The following SSUH2 variants were observed in gnomAD, a reference collection of about 807,000 sequenced individuals.
SSUH2 encodes protein SSUH2 homolog.
Under a neutral mutation model 55.3 loss-of-function variants are expected in SSUH2, and 47 were observed. The ratio of observed to expected loss-of-function variants is 0.85; its 90% CI spans 0.67 to 1.08. The LOEUF (loss-of-function observed/expected upper bound fraction) is 1.08. SSUH2 is among the 50% of genes least tolerant of loss of function. The pLI is 0.00. For synonymous variants in SSUH2, 212 were observed against 191.5 expected (o/e 1.11, Z -0.89); for missense variants, 535 against 490.7 (o/e 1.09, Z -0.85).
intron 9 of SSUH2, 58 bp downstream of exon 9, chr3:8,626,171 C>T (rs1311060836): frequency 1.4e-6 from 2 of 1,411,598 alleles, no homozygotes; most frequent in East Asian, 4.6e-5. Context: ...GAAGCCAGTC[C>T]AGGGCTAAGT....
intron 5 of SSUH2, among the ~76,000 whole-genome samples, chr3:8,665,765 T>C (rs1201019372): frequency 2.6e-5 from 4 of 152,160 alleles, no homozygotes; most frequent in Admixed American, 2.6e-4. Context: ...TAGATGAAAA[T>C]AGTTCATTTT....
intron 5 of SSUH2, among the ~76,000 whole-genome samples, chr3:8,665,658 C>A (rs1311098496): frequency 6.6e-6 from 1 of 152,176 alleles, no homozygotes; most frequent in African/African-American, 2.4e-5. Flanking sequence ...TTCACCAACG[C>A]AAAAGCCAAA....
At chr3:8,644,628 A>T in intron 1 of SSUH2, 103 bp downstream of exon 1, 1 of 1,017,850 alleles carries the variant, frequency 9.8e-7, no homozygotes, top group East Asian at 2.6e-5. Context: ...AAGACTATGG[A>T]TACATAACTT....
chr3:8,653,224 C>T (rs535656259), intron 7 of SSUH2, among the ~76,000 whole-genome samples: 4 of 152,326 alleles, frequency 2.6e-5, no homozygotes, highest in South Asian at 2.1e-4. Flanking sequence ...AGGCAGGAGC[C>T]GCAGATGTCA....
At chr3:8,633,992 T>C in intron 3 of SSUH2, 197 bp from the exon 4 acceptor site, 1 of 1,590,372 alleles carries the variant, frequency 6.3e-7, no homozygotes, top group Non-Finnish European at 8.6e-7. Context: ...CGGGGCAGGT[T>C]TTCCTAGAGA....
chr3:8,676,341 C>A (rs1705263416), intron 3 of SSUH2, among the ~76,000 whole-genome samples: 1 of 151,988 alleles, frequency 6.6e-6, no homozygotes, highest in South Asian at 2.1e-4. Context: ...ATCCTCCTCT[C>A]CCACGTTGCA....
chr3:8,673,737 A>G (rs1704888609), intron 3 of SSUH2, among the ~76,000 whole-genome samples: 1 of 152,166 alleles, frequency 6.6e-6, no homozygotes, highest in African/African-American at 2.4e-5. Flanking sequence ...GTATGGAAGG[A>G]CTCAGTTACC....
intron 5 of SSUH2, among the ~76,000 whole-genome samples, chr3:8,668,517 A>C (rs1269147682): frequency 6.6e-6 from 1 of 152,220 alleles, no homozygotes; most frequent in African/African-American, 2.4e-5. Flanking sequence ...TAATCTCATT[A>C]CTTCAAAGAA....
At chr3:8,674,817 A>G (rs1705044882) in intron 3 of SSUH2, among the ~76,000 whole-genome samples, 1 of 151,928 alleles carries the variant, frequency 6.6e-6, no homozygotes, top group Non-Finnish European at 1.5e-5. Flanking sequence ...ACTTTTCTGA[A>G]CTGAGCTGGG....
chr3:8,667,221 T>G (rs893886131), intron 5 of SSUH2, among the ~76,000 whole-genome samples: 4 of 152,226 alleles, frequency 2.6e-5, no homozygotes, highest in Non-Finnish European at 5.9e-5. Flanking sequence ...TCATGAGTTT[T>G]GCAGGAAAGG....
chr3:8,676,595 C>T (rs1252924704), intron 3 of SSUH2, among the ~76,000 whole-genome samples: 1 of 151,076 alleles, frequency 6.6e-6, no homozygotes, highest in Non-Finnish European at 1.5e-5. Flanking sequence ...GGAAGAATAT[C>T]ACAGCGTGGG....
intron 10 of SSUH2, 25 bp from the exon 11 acceptor site, chr3:8,623,681 G>A (rs1696928576): frequency 1.6e-6 from 2 of 1,282,108 alleles, no homozygotes; most frequent in African/African-American, 1.5e-5. Context: ...GAGAGACACA[G>A]ACCACCTGGC....
chr3:8,625,447 G>A, intron 10 of SSUH2, 95 bp downstream of exon 10: 3 of 740,600 alleles, frequency 4.1e-6, no homozygotes, highest in Non-Finnish European at 7.0e-6. Context: ...GTCCTTCCAA[G>A]GAATGCAGCC....
intron 7 of SSUH2, among the ~76,000 whole-genome samples, chr3:8,628,601 T>C (rs1698086794): frequency 6.6e-6 from 1 of 152,200 alleles, no homozygotes; most frequent in Non-Finnish European, 1.5e-5. Context: ...GATGACGTGT[T>C]CTTATTAGAA....
At chr3:8,652,422 C>T (rs905033150) in intron 7 of SSUH2, among the ~76,000 whole-genome samples, 1 of 152,212 alleles carries the variant, frequency 6.6e-6, no homozygotes, top group Non-Finnish European at 1.5e-5. Context: ...CAGCTGCCTT[C>T]CATGGCATAA....
At chr3:8,679,548 C>A (rs1430654866) in intron 2 of SSUH2, among the ~76,000 whole-genome samples, 2 of 144,820 alleles carry the variant, frequency 1.4e-5, no homozygotes, top group Non-Finnish European at 3.0e-5. Context: ...CTCAGCGAGG[C>A]AGGAACTGAG....
Position 8,678,136 on chromosome 3 carries a change from G to A in SSUH2, c.-900-783C>T, listed in dbSNP as rs138479768. 5.9e-3 allele frequency among the ~76,000 whole-genome samples: 896 copies of A among 152,118 alleles called. 10 individuals carry two copies. Among genetic ancestry groups the A allele is most frequent in the African/African-American group, 0.018 (750 of 41,506 alleles). On this transcript the variant is annotated intron_variant, in intron 2 of 18. Transcript: ENST00000317371. ...ATATCATCTTCTTCCCTCCAGGATC[G>A]TGGGAACAACATCCCTGGGGGTTTC...
intron 7 of SSUH2, chr3:8,629,295 C>A: frequency 3.9e-6 from 1 of 255,278 alleles, no homozygotes; most frequent in Non-Finnish European, 7.5e-6. Context: ...CCCTGCACGA[C>A]AAATGGAGTT....
chr3:8,674,575 G>T (rs1462733190), intron 3 of SSUH2, among the ~76,000 whole-genome samples: 1 of 152,112 alleles, frequency 6.6e-6, no homozygotes, highest in Non-Finnish European at 1.5e-5. Flanking sequence ...GGAGCCATGG[G>T]GGTTTCAGCA....
Sources: gnomAD v4.1 joint callset for allele counts (sites outside exome capture counted in the v4.1 genomes callset) on GRCh38, gnomAD v4.1.1 for gene constraint, MANE v1.5 for transcripts, NCBI Gene and HGNC (gene_info 2026-07-23, HGNC 2026-07-21) for gene names.